The following HDAC4 variants were observed in gnomAD, a reference collection of about 807,000 sequenced individuals.
HDAC4 encodes histone deacetylase 4.
HDAC4 carries 16 observed loss-of-function variants against 135.1 expected under a neutral mutation model. The observed-to-expected ratio is 0.12, with a 90% confidence interval of 0.08 to 0.18. The LOEUF is 0.18. Among genes scored for constraint, HDAC4 ranks in the 10% least tolerant of loss-of-function variants. The pLI, the probability that HDAC4 is intolerant of heterozygous loss-of-function variation, is 1.00. For missense variants in HDAC4, 1,143 were observed against 1,511.8 expected (o/e 0.76, Z 4.05); for synonymous variants, 685 against 653.4 (o/e 1.05, Z -0.74).
rs75919876 is a variant in HDAC4 at position 239,331,815 on chromosome 2, C to T, written c.22+20863G>A. Among the ~76,000 whole-genome samples, 1,459 of 152,196 alleles carry T rather than the reference C, an allele frequency of 9.6e-3. 31 individuals are homozygous for T. Among genetic ancestry groups the T allele is most frequent in the African/African-American group, 0.033 (1,365 of 41,516 alleles). ...AGGTGGAAAGAGGGCACACTCGGCCCGCGTGTCCTCCAGAGGCTGAGGAGC... is the reference window on the plus strand; with the variant it reads ...AGGTGGAAAGAGGGCACACTCGGCCTGCGTGTCCTCCAGAGGCTGAGGAGC... On this transcript the variant is annotated intron_variant, in intron 2 of 26. Coordinates refer to ENST00000543185, the MANE Select transcript of HDAC4 (RefSeq NM_001378414.1). The surrounding 1 kb of genome is among the most constrained non-coding windows in gnomAD (Gnocchi z 4.5).
rs61266026 is a variant in HDAC4 at position 239,167,442 on chromosome 2, G to C, written c.491-3519C>G. 2.7e-3 allele frequency among the ~76,000 whole-genome samples: 412 copies of C among 152,294 alleles called. No individual in the cohort carries two copies. Among genetic ancestry groups the C allele is most frequent in the African/African-American group, 9.3e-3 (387 of 41,562 alleles). ...CATGCAGTGGGGGGCAGACATGACT[G>C]GGGTTCACACCCCACCCATGCCCAG... On this transcript the variant is annotated intron_variant, in intron 5 of 26. Transcript: ENST00000543185. The surrounding 1 kb of genome is among the most constrained non-coding windows in gnomAD (Gnocchi z 4.1).
At chr2:239,345,569 C>T (rs1692556935) in intron 2 of HDAC4, among the ~76,000 whole-genome samples, 1 of 151,076 alleles carries the variant, frequency 6.6e-6, no homozygotes, top group Admixed American at 6.6e-5. Context: ...CACACACACC[C>T]AACACACACA....
intron 18 of HDAC4, among the ~76,000 whole-genome samples, chr2:239,087,927 C>T (rs1559401545): frequency 2.0e-5 from 3 of 152,126 alleles, no homozygotes; most frequent in African/African-American, 4.8e-5. Flanking sequence ...GCTCAGGGGT[C>T]GGGGTGATGT....
At chr2:239,159,490 A>C in intron 6 of HDAC4, among the ~76,000 whole-genome samples, 2 of 102,782 alleles carry the variant, frequency 1.9e-5, no homozygotes, top group African/African-American at 3.8e-5. Context: ...CCCCACCCAC[A>C]CCCCACACAC....
At chr2:239,090,177 G>A (rs527448504) in intron 17 of HDAC4, 61 bp from the exon 18 acceptor site, 6 of 1,261,306 alleles carry the variant, frequency 4.8e-6, no homozygotes, top group African/African-American at 4.4e-5. Flanking sequence ...CACCAGCCCT[G>A]GCTGGGCAGA....
intron 16 of HDAC4, among the ~76,000 whole-genome samples, chr2:239,097,665 G>A (rs1039818756): frequency 1.6e-4 from 25 of 152,228 alleles, no homozygotes; most frequent in African/African-American, 1.2e-4. Flanking sequence ...AGGAGCTGGC[G>A]GGATGTGGTG....
Position 239,306,997 on chromosome 2 carries a change from G to A in HDAC4, c.22+45681C>T. ...GCAGCAGGAGCCGCAGGACCATAGGGGCCACCGGCAGGGTGGGTGATGCCA... is the reference window on the plus strand; with the variant it reads ...GCAGCAGGAGCCGCAGGACCATAGGAGCCACCGGCAGGGTGGGTGATGCCA... On this transcript the variant is annotated intron_variant, in intron 2 of 26. Coordinates refer to ENST00000543185, the MANE Select transcript of HDAC4 (RefSeq NM_001378414.1). This position sits in a 1 kb window ranked among gnomAD's most constrained non-coding sequence, Gnocchi z 4.5. Among the ~76,000 whole-genome samples the A allele has an allele frequency of 6.6e-6, 1 of 152,098 alleles. No individual in the cohort carries two copies.
chr2:239,140,762 T>A (rs186864047), intron 8 of HDAC4: 1 of 297,134 alleles, frequency 3.4e-6, no homozygotes, highest in Non-Finnish European at 7.2e-6. Context: ...AGGGATGTTT[T>A]CCCCAAGCAG....
chr2:239,253,402 G>A (rs1001638965), intron 2 of HDAC4, among the ~76,000 whole-genome samples: 1 of 152,220 alleles, frequency 6.6e-6, no homozygotes, highest in Non-Finnish European at 1.5e-5. Context: ...CAACTAGAAA[G>A]AAGGGCTAGC....
chr2:239,113,087 A>C (rs1184501815), intron 13 of HDAC4, among the ~76,000 whole-genome samples: 2 of 152,078 alleles, frequency 1.3e-5, no homozygotes, highest in Non-Finnish European at 2.9e-5. Flanking sequence ...CAAAACAAAC[A>C]AACAAACAAA....
At chr2:239,230,956 AAATGT>A (rs1230076954) in intron 3 of HDAC4, among the ~76,000 whole-genome samples, 1 of 152,144 alleles carries the variant, frequency 6.6e-6, no homozygotes, top group Admixed American at 6.5e-5. Context: ...TCCTGTTCCA[AAATGT>A]AAGAGCAGTG....
chr2:239,356,183 A>G (rs966693013), intron 1 of HDAC4, among the ~76,000 whole-genome samples: 1 of 152,232 alleles, frequency 6.6e-6, no homozygotes, highest in African/African-American at 2.4e-5. Flanking sequence ...AATAGTCCTG[A>G]TCAATGAAAA....
chr2:239,333,472 C>A (rs937704414), intron 2 of HDAC4, among the ~76,000 whole-genome samples: 4 of 151,990 alleles, frequency 2.6e-5, no homozygotes, highest in Admixed American at 6.6e-5. Flanking sequence ...AAAAATAACA[C>A]GTCAATCTCA....
rs940835796 is a variant in HDAC4 at position 239,167,162 on chromosome 2, T to C, written c.491-3239A>G. On this transcript the variant is annotated intron_variant, in intron 5 of 26. Coordinates refer to ENST00000543185, the MANE Select transcript of HDAC4 (RefSeq NM_001378414.1). The surrounding 1 kb of genome is among the most constrained non-coding windows in gnomAD (Gnocchi z 4.1). ...CGAGGACGCCCTCAACACTTTCCAG[T>C]AGACCCAAACTCAGTGCAGTCAGCC... is the stretch of plus-strand genomic sequence containing the variant. 6.6e-6 allele frequency among the ~76,000 whole-genome samples: 1 copy of C among 151,864 alleles called. No homozygotes were observed. Among genetic ancestry groups the C allele is most frequent in the Non-Finnish European group, 1.5e-5 (1 of 67,968 alleles).
In HDAC4 at chr2:239,102,911, G is replaced by A. The variant is rs1003765997; in HGVS notation, c.2113-15C>T. 22 of 1,613,550 alleles carry A rather than the reference G, an allele frequency of 1.4e-5. No homozygotes were observed. The highest frequency in any genetic ancestry group is 3.3e-5 in the Admixed American group (2 of 59,994). ...CCGCGGATGCACTGTGGGGACAGGCGAGAGGACACTCACACGTTCTGCAGA... is the reference window on the plus strand; with the variant it reads ...CCGCGGATGCACTGTGGGGACAGGCAAGAGGACACTCACACGTTCTGCAGA... On this transcript the variant is annotated splice_polypyrimidine_tract_variant and intron_variant, in intron 15 of 26. Transcript: ENST00000543185.
At chr2:239,315,973 A>G (rs1203901329) in intron 2 of HDAC4, among the ~76,000 whole-genome samples, 1 of 152,246 alleles carries the variant, frequency 6.6e-6, no homozygotes, top group Non-Finnish European at 1.5e-5. Context: ...GTGAGCAGTT[A>G]CTTGCAATAC....
chr2:239,117,592 A>G (rs2039257721), intron 12 of HDAC4, among the ~76,000 whole-genome samples: 1 of 144,998 alleles, frequency 6.9e-6, no homozygotes, highest in African/African-American at 2.6e-5. Flanking sequence ...AAAAAAGCTC[A>G]GGAGAGAGGG....
intron 22 of HDAC4, among the ~76,000 whole-genome samples, chr2:239,077,586 T>C (rs2034893137): frequency 6.6e-6 from 1 of 152,260 alleles, no homozygotes; most frequent in Non-Finnish European, 1.5e-5. Context: ...CTCAGATAAA[T>C]TTCTACATAG....
At chr2:239,250,835 TC>T (rs2048744775) in intron 2 of HDAC4, among the ~76,000 whole-genome samples, 1 of 152,116 alleles carries the variant, frequency 6.6e-6, no homozygotes, top group Non-Finnish European at 1.5e-5. Context: ...CTCATGGGCC[TC>T]CCCAGCAGAA....
Sources: gnomAD v4.1 joint callset for allele counts (sites outside exome capture counted in the v4.1 genomes callset) on GRCh38, gnomAD v4.1.1 for gene constraint, Gnocchi (gnomAD v3.1) non-coding constraint, MANE v1.5 for transcripts, NCBI Gene and HGNC (gene_info 2026-07-23, HGNC 2026-07-21) for gene names.